Variants in BLZF1 observed in about 807,000 individuals in gnomAD.
The protein encoded by BLZF1 is golgin-45.
A neutral mutation model predicts 43.8 loss-of-function variants in BLZF1; 39 were observed. The ratio of observed to expected loss-of-function variants is 0.89; its 90% CI spans 0.69 to 1.16. The LOEUF (loss-of-function observed/expected upper bound fraction) is 1.16. Among genes scored for constraint, BLZF1 ranks in the 50% most tolerant of loss-of-function variants. The probability of loss-of-function intolerance (pLI) is 0.00; values close to 1 mark genes in which losing one functional copy is unlikely to be tolerated. For synonymous variants in BLZF1, 136 were observed against 159.4 expected (o/e 0.85, Z 1.11); for missense variants, 449 against 469.8 (o/e 0.96, Z 0.41).
rs759545677 is a variant in BLZF1, at chr1:169,376,871, T to C, written c.360T>C (p.Asn120=). 26 of 1,613,052 alleles carry C rather than the reference T, an allele frequency of 1.6e-5. No individual in the cohort carries two copies. Among genetic ancestry groups the C allele is most frequent in the African/African-American group, 2.7e-5 (2 of 74,850 alleles). Residue 120 remains asparagine (N), a synonymous_variant, in exon 3 of 7, where the codon AAT becomes AAC. Coordinates refer to ENST00000367808, the MANE Select transcript of BLZF1 (RefSeq NM_001320973.2). The part of the protein sequence containing the change: ...LGQSEGVIEP[N]KELSEVKNVL... ...AGTCAGAGGGAGTTATAGAACCTAA[T>C]AAGGAACTCTCAGAGGTAAAGAATG...
intron 6 of BLZF1, among the ~76,000 whole-genome samples, chr1:169,384,723 C>A (rs1388679242): frequency 1.3e-5 from 2 of 152,176 alleles, no homozygotes; most frequent in Non-Finnish European, 2.9e-5. Flanking sequence ...CTTTAAGAAC[C>A]TGCCTTCTCT....
At chr1:169,382,411 T>C in intron 6 of BLZF1, 130 bp downstream of exon 6, 1 of 730,780 alleles carries the variant, frequency 1.4e-6, no homozygotes, top group Non-Finnish European at 2.2e-6. Context: ...TGCTATTGAG[T>C]GTGTTATCTT....
intron 7 of BLZF1, among the ~76,000 whole-genome samples, chr1:169,393,534 G>A (rs1019061136): frequency 2.6e-5 from 4 of 151,122 alleles, no homozygotes; most frequent in African/African-American, 9.7e-5. Context: ...AGGTTGCAGT[G>A]AGCTGAGATG....
intron 7 of BLZF1, among the ~76,000 whole-genome samples, chr1:169,393,537 C>G (rs1192641218): frequency 6.8e-6 from 1 of 148,012 alleles, no homozygotes; most frequent in African/African-American, 2.5e-5. Context: ...TTGCAGTGAG[C>G]TGAGATGTGC....
chr1:169,386,998 T>C lies in BLZF1; in HGVS notation c.1019T>C (p.Val340Ala), dbSNP rs771052582. ...GACATTATATCTTATTTTCCTTAGG[T>C]TCTAAGAATTTTAGATCCAGTTACC... ...STPAEKMAETVLRILDPVTCK... is the reference protein window; with the variant it reads ...STPAEKMAETALRILDPVTCK... Residue 340 changes from valine (V) to alanine (A), a missense_variant and splice_region_variant, in exon 7 of 7, where the codon GTT (valine) becomes GCT (alanine). Val to Ala is a moderately conservative substitution (Grantham distance 64). Coordinates refer to ENST00000367808, the MANE Select transcript of BLZF1 (RefSeq NM_001320973.2). The C allele has an allele frequency of 5.6e-6, 9 of 1,599,688 alleles. No homozygotes were observed. The South Asian group carries it at 1.0e-4, about 18-fold the overall frequency.
chr1:169,384,668 G>A (rs569692199), intron 6 of BLZF1, among the ~76,000 whole-genome samples: 59 of 152,000 alleles, frequency 3.9e-4, no homozygotes, highest in African/African-American at 1.4e-3. Context: ...TTCTTGTCTG[G>A]ACTACCCTCC....
At chr1:169,389,203 C>T (rs906629414), downstream of BLZF1, among the ~76,000 whole-genome samples, 2 of 140,598 alleles carry the variant, frequency 1.4e-5, no homozygotes, top group South Asian at 4.6e-4. Context: ...GTGAGGCAGG[C>T]GAATTTCTTG....
At chr1:169,386,627 C>T (rs955091651) in intron 6 of BLZF1, among the ~76,000 whole-genome samples, 10 of 146,688 alleles carry the variant, frequency 6.8e-5, no homozygotes, top group African/African-American at 5.0e-5. Context: ...TTCAGTGAGC[C>T]GAGATCGCGC....
intron 7 of BLZF1, chr1:169,395,070 G>A (rs200050773): frequency 3.3e-5 from 53 of 1,598,790 alleles, no homozygotes; most frequent in Non-Finnish European, 4.0e-5. Context: ...TCAGTAAAAC[G>A]AAAAGGTTTG....
rs190378684 is a variant in BLZF1, at chr1:169,377,214, A to G, written c.468+235A>G. The G allele has an allele frequency of 1.6e-3, 787 of 488,026 alleles. 2 individuals carry two copies. Among genetic ancestry groups the G allele is most frequent in the Middle Eastern group, 3.2e-3 (6 of 1,904 alleles). The allele number at this position is 488,026 out of a possible 1,614,324, so 30.2% of individuals were successfully genotyped here. A position where few individuals can be genotyped will look rare whatever the true frequency, so the allele number is the denominator to read the frequency against. ...ATGGAGGTGTGAGGTGCTTTGGACA[A>G]GACCACCAATAAGTTGTAAAAGTAG... On this transcript the variant is annotated intron_variant, in intron 3 of 6. Coordinates refer to ENST00000367808, the MANE Select transcript of BLZF1 (RefSeq NM_001320973.2).
rs748856934 is a variant in BLZF1, at chr1:169,376,647, A to T, written c.136A>T (p.Ser46Cys). 5 of 1,613,250 alleles carry T rather than the reference A, an allele frequency of 3.1e-6. No homozygotes were observed. The South Asian group carries it at 4.4e-5, about 14-fold the overall frequency. ...CGGAGTCCAATCTAGAAAGCATCAT[A>T]GTCTTCAGAGTCCATGGAAGAAAGC... ...TSGVQSRKHH[S>C]LQSPWKKAVP... The change falls in exon 3 of 7, where the codon AGT becomes TGT. Residue 46 changes from serine (S) to cysteine (C), a missense_variant. Transcript: ENST00000367808.
intron 6 of BLZF1, among the ~76,000 whole-genome samples, chr1:169,383,022 T>C (rs1654571702): frequency 6.6e-6 from 1 of 152,228 alleles, no homozygotes; most frequent in Non-Finnish European, 1.5e-5. Flanking sequence ...TTAGTTTCTC[T>C]TCCCACATAG....
Position 169,378,502 on chromosome 1 carries a change from T to C in BLZF1, c.641T>C (p.Val214Ala). Reference protein sequence around the residue: ...QLERMSIQCDVWRSKFLASRV... With the variant: ...QLERMSIQCDAWRSKFLASRV... ...GAACGTATGTCAATACAGTGTGATG[T>C]ATGGCGAAGTAAATTCCTTGCAAGC... The change falls in exon 4 of 7, where the codon GTA becomes GCA. Residue 214 changes from valine (V) to alanine (A), a missense_variant. Transcript: ENST00000367808. 6.2e-7 allele frequency: 1 copy of C among 1,612,494 alleles called. No homozygotes were observed. Among genetic ancestry groups the C allele is most frequent in the South Asian group, 1.1e-5 (1 of 91,010 alleles).
intron 2 of BLZF1, among the ~76,000 whole-genome samples, chr1:169,371,823 A>G (rs1305635998): frequency 1.3e-5 from 2 of 152,226 alleles, no homozygotes; most frequent in Non-Finnish European, 2.9e-5. Flanking sequence ...TAGACCAAAT[A>G]GAAAGGTCTG....
At chr1:169,368,822 T>A (rs1258635332) in intron 1 of BLZF1, among the ~76,000 whole-genome samples, 2 of 152,204 alleles carry the variant, frequency 1.3e-5, no homozygotes, top group African/African-American at 4.8e-5. Flanking sequence ...AAACCAGTTG[T>A]CATCTAGTGT....
At chr1:169,375,359 A>T (rs1387598238) in intron 2 of BLZF1, among the ~76,000 whole-genome samples, 2 of 138,778 alleles carry the variant, frequency 1.4e-5, no homozygotes, top group Non-Finnish European at 3.1e-5. Context: ...ATATATAAAA[A>T]ACATATATAC....
chr1:169,374,987 G>A (rs995333595), intron 2 of BLZF1, among the ~76,000 whole-genome samples: 7 of 151,992 alleles, frequency 4.6e-5, no homozygotes, highest in Non-Finnish European at 1.0e-4. Context: ...TAGATCCACA[G>A]ATACACTGGT....
intron 6 of BLZF1, among the ~76,000 whole-genome samples, chr1:169,384,292 C>A (rs1341785427): frequency 6.6e-6 from 1 of 152,004 alleles, no homozygotes; most frequent in Non-Finnish European, 1.5e-5. Flanking sequence ...TTTTACAGAT[C>A]TTACCAGTTT....
intron 2 of BLZF1, among the ~76,000 whole-genome samples, chr1:169,372,285 A>G (rs891250051): frequency 1.3e-5 from 2 of 152,158 alleles, no homozygotes; most frequent in African/African-American, 2.4e-5. Context: ...GAATTTGTAT[A>G]TGTTCTGGAA....
Sources: gnomAD v4.1 joint callset for allele counts (sites outside exome capture counted in the v4.1 genomes callset) on GRCh38, gnomAD v4.1.1 for gene constraint, MANE v1.5 for transcripts, NCBI Gene and HGNC (gene_info 2026-07-23, HGNC 2026-07-21) for gene names.